PCNX2: variants seen among roughly 807,000 people sequenced by gnomAD.
PCNX2 encodes the protein pecanex 2, also known as pecanex-like protein 2.
A neutral mutation model predicts 223.8 loss-of-function variants in PCNX2; 168 were observed. The ratio of observed to expected loss-of-function variants is 0.75; its 90% CI spans 0.66 to 0.85. The LOEUF is 0.85. Ranked by LOEUF, PCNX2 falls within the 40% of genes least tolerant of loss-of-function variation. The pLI, the probability that PCNX2 is intolerant of heterozygous loss-of-function variation, is 0.00. For missense variants in PCNX2, 2,507 were observed against 2,675.5 expected, an observed-to-expected ratio of 0.94 and a Z score of 1.39; for synonymous variants, 1,006 against 1,052.6, an observed-to-expected ratio of 0.96 and a Z score of 0.86.
Position 233,200,251 on chromosome 1 carries a change from G to T in PCNX2, c.2877C>A (p.Cys959Ter). 6.4e-7 allele frequency: 1 copy of T among 1,574,284 alleles called. No homozygotes were observed. The highest frequency in any genetic ancestry group is 1.2e-5 in the South Asian group (1 of 85,400). Reference sequence around the variant, plus strand: ...GCCCAAGGAGGGAAATAGCAGGGAAGCAATATAAAAATACTGAAAATGAAC... The same window carrying T: ...GCCCAAGGAGGGAAATAGCAGGGAATCAATATAAAAATACTGAAAATGAAC... ...ARDYLIVFLY[C>*]FPAISLLGLF... The change falls in exon 14 of 34, where the codon TGC (cysteine) becomes TGA (stop). Residue 959 changes from cysteine (C) to a stop codon, truncating the protein, a stop_gained. Coordinates refer to ENST00000258229, the MANE Select transcript of PCNX2 (RefSeq NM_014801.4). LOFTEE classifies it high-confidence loss of function.
intron 19 of PCNX2, among the ~76,000 whole-genome samples, chr1:233,142,162 A>T (rs1224949481): frequency 1.3e-5 from 2 of 152,212 alleles, no homozygotes; most frequent in Non-Finnish European, 2.9e-5. Flanking sequence ...TTTTATACAC[A>T]ATAAAGTCTA....
At position 233,252,496 on chromosome 1, in the gene PCNX2, A is replaced by G. The variant is rs6682865; in HGVS notation, c.1986T>C (p.Phe662=). Residue 662 remains phenylalanine, a synonymous_variant, in exon 7 of 34, where the codon TTT becomes TTC. Transcript: ENST00000258229. ...TTATCTGTCTTTGTCTATTGCCCTG[A>G]AAACTTAACACATATAAAAGTTTCA... is the stretch of plus-strand genomic sequence containing the variant. ...CTQPAKTTAF[F]QGNRQRQIIY... 0.014 allele frequency: 22,923 copies of G among 1,603,690 alleles called. 346 individuals carry two copies. The highest frequency in any genetic ancestry group is 0.074 in the African/African-American group (5,501 of 74,592).
At chr1:233,135,296 AC>A in intron 20 of PCNX2, 106 bp from the exon 21 acceptor site, 1 of 1,252,864 alleles carries the variant, frequency 8.0e-7, no homozygotes, top group Non-Finnish European at 1.1e-6. Flanking sequence ...TAAGAACTTT[AC>A]AGGCACAAAA....
intron 19 of PCNX2, among the ~76,000 whole-genome samples, chr1:233,145,143 T>A (rs1359343144): frequency 6.6e-6 from 1 of 151,932 alleles, no homozygotes; most frequent in African/African-American, 2.4e-5. Flanking sequence ...TTTTTTGTAT[T>A]TTTTAGTAGA....
In PCNX2 at chr1:233,139,256, G is replaced by A. The variant is rs1017483476; in HGVS notation, c.3659+458C>T. On this transcript the variant is annotated intron_variant, in intron 20 of 33. Transcript: ENST00000258229. This position sits in a 1 kb window ranked among gnomAD's most constrained non-coding sequence, Gnocchi z 4.4. Reference sequence around the variant, plus strand: ...GTCTCTGTGCCAGTTTTTAAATTACGAGGCTTCTCTTGATAAATTCAGAGA... The same window carrying A: ...GTCTCTGTGCCAGTTTTTAAATTACAAGGCTTCTCTTGATAAATTCAGAGA... Among the ~76,000 whole-genome samples, 4 of 152,096 alleles carry A rather than the reference G, an allele frequency of 2.6e-5. No homozygotes were observed. Among genetic ancestry groups the A allele is most frequent in the Non-Finnish European group, 5.9e-5 (4 of 68,026 alleles).
At chr1:233,111,172 C>T (rs1045336248) in intron 21 of PCNX2, among the ~76,000 whole-genome samples, 2 of 152,102 alleles carry the variant, frequency 1.3e-5, no homozygotes, top group South Asian at 2.1e-4. Flanking sequence ...GAGTCAGACC[C>T]GGGTTCTGAT....
intron 19 of PCNX2, 152 bp downstream of exon 19, chr1:233,160,131 T>C (rs1293199906): frequency 5.0e-6 from 4 of 798,512 alleles, no homozygotes; most frequent in East Asian, 5.4e-5. Flanking sequence ...TTCTTTTTTA[T>C]TGTGGTAAAA....
chr1:233,240,301 G>T (rs936893953), intron 8 of PCNX2, among the ~76,000 whole-genome samples: 1 of 152,124 alleles, frequency 6.6e-6, no homozygotes, highest in Non-Finnish European at 1.5e-5. Flanking sequence ...TTCTTTGCTA[G>T]CGTCTCTTCT....
At chr1:233,167,184 T>C (rs948337494) in intron 17 of PCNX2, among the ~76,000 whole-genome samples, 5 of 152,170 alleles carry the variant, frequency 3.3e-5, no homozygotes, top group African/African-American at 1.2e-4. Context: ...AATTCTAATA[T>C]AAATGTAAAT....
chr1:233,043,975 A>G (rs1385319757), intron 25 of PCNX2, among the ~76,000 whole-genome samples: 1 of 151,720 alleles, frequency 6.6e-6, no homozygotes, highest in Non-Finnish European at 1.5e-5. Flanking sequence ...TCCCTGAGGA[A>G]TCCCCACACT....
intron 21 of PCNX2, among the ~76,000 whole-genome samples, chr1:233,115,907 T>C (rs1675380811): frequency 6.6e-6 from 1 of 152,222 alleles, no homozygotes; most frequent in African/African-American, 2.4e-5. Context: ...ATATGCTGTC[T>C]ATGTAATGAT....
chr1:233,322,117 C>T, the PCNX2 span, among the ~76,000 whole-genome samples: 1 of 152,122 alleles, frequency 6.6e-6, no homozygotes, highest in East Asian at 1.9e-4. Context: ...AAAAGAGCAA[C>T]CCCATACAGC....
upstream of PCNX2, among the ~76,000 whole-genome samples, chr1:233,299,400 A>G (rs183268975): frequency 6.6e-5 from 10 of 152,312 alleles, no homozygotes; most frequent in African/African-American, 2.4e-4. Context: ...TAAACCTTCT[A>G]TATCAATGAA....
At chr1:233,196,304 G>T (rs1044028593) in intron 15 of PCNX2, among the ~76,000 whole-genome samples, 2 of 151,734 alleles carry the variant, frequency 1.3e-5, no homozygotes, top group East Asian at 1.9e-4. Context: ...GTGACTTAGG[G>T]TTAAGTAAAT....
chr1:233,149,945 C>T (rs571685431), intron 19 of PCNX2, among the ~76,000 whole-genome samples: 19 of 151,984 alleles, frequency 1.3e-4, no homozygotes, highest in South Asian at 6.2e-4. Flanking sequence ...TCAATTTACA[C>T]GTCACTTCCT....
chr1:233,152,081 A>G (rs1677846062), intron 19 of PCNX2, among the ~76,000 whole-genome samples: 1 of 152,210 alleles, frequency 6.6e-6, no homozygotes, highest in South Asian at 2.1e-4. Flanking sequence ...TAAGTTTCCC[A>G]GTGGACCAGA....
the PCNX2 span, among the ~76,000 whole-genome samples, chr1:233,300,841 A>G: frequency 6.6e-6 from 1 of 152,136 alleles, no homozygotes; most frequent in Non-Finnish European, 1.5e-5. Flanking sequence ...GCCCACTGAG[A>G]CTAGTGAAGA....
intron 1 of PCNX2, among the ~76,000 whole-genome samples, chr1:233,294,836 T>C (rs1558434980): frequency 2.0e-5 from 3 of 151,838 alleles, no homozygotes; most frequent in Non-Finnish European, 4.4e-5. Context: ...GAAATTACAA[T>C]GTGAGTAACT....
At chr1:233,216,564 G>A (rs1656928750) in intron 12 of PCNX2, among the ~76,000 whole-genome samples, 1 of 152,158 alleles carries the variant, frequency 6.6e-6, no homozygotes, top group Admixed American at 6.5e-5. Flanking sequence ...CAAGGATTTG[G>A]AGAAAAGGAA....
Sources: gnomAD v4.1 joint callset for allele counts (sites outside exome capture counted in the v4.1 genomes callset) on GRCh38, gnomAD v4.1.1 for gene constraint, Gnocchi (gnomAD v3.1) non-coding constraint, MANE v1.5 for transcripts, NCBI Gene and HGNC (gene_info 2026-07-23, HGNC 2026-07-21) for gene names.